The following EYA1 variants were observed in gnomAD, a reference collection of about 807,000 sequenced individuals.
EYA1 encodes the protein EYA transcriptional coactivator and phosphatase 1, also known as protein phosphatase EYA1.
In EYA1, 16 loss-of-function variants were observed where a neutral mutation model predicts 82.0. The observed-to-expected ratio is 0.20, with a 90% CI of 0.13 to 0.30. EYA1 has a LOEUF of 0.30. EYA1 is among the 10% of genes least tolerant of loss of function. The pLI is 1.00. For synonymous variants in EYA1, 261 were observed against 264.4 expected, an observed-to-expected ratio of 0.99 and a Z score of 0.12; for missense variants, 633 against 730.7, an observed-to-expected ratio of 0.87 and a Z score of 1.54.
At chr8:71,267,003 C>T (rs923164060) in intron 11 of EYA1, among the ~76,000 whole-genome samples, 15 of 152,206 alleles carry the variant, frequency 9.9e-5, no homozygotes, top group African/African-American at 3.4e-4. Context: ...TAATTCTTTC[C>T]ATCTCTACTG....
intron 2 of EYA1, among the ~76,000 whole-genome samples, chr8:71,484,876 G>A (rs536691947): frequency 3.3e-5 from 5 of 152,292 alleles, no homozygotes; most frequent in Admixed American, 6.5e-5. Flanking sequence ...GCCTGTCCCG[G>A]GGGACCTGGA....
At chr8:71,338,522 A>G (rs1397130015) in intron 3 of EYA1, among the ~76,000 whole-genome samples, 3 of 152,190 alleles carry the variant, frequency 2.0e-5, no homozygotes, top group Non-Finnish European at 4.4e-5. Context: ...GACATTAGCT[A>G]TCAAGATCAT....
intron 2 of EYA1, among the ~76,000 whole-genome samples, chr8:71,396,220 T>C (rs7818809): frequency 0.22 from 33,507 of 152,128 alleles, 4,213 homozygotes; most frequent in Middle Eastern, 0.33. Flanking sequence ...CTATTAATTT[T>C]GTTGATCTTT....
intron 3 of EYA1, among the ~76,000 whole-genome samples, chr8:71,339,381 G>A (rs1824861152): frequency 6.6e-6 from 1 of 152,066 alleles, no homozygotes; most frequent in South Asian, 2.1e-4. Context: ...AGCAGAACAG[G>A]TGCCATACAT....
intron 2 of EYA1, among the ~76,000 whole-genome samples, chr8:71,475,167 T>C (rs1248371236): frequency 6.6e-6 from 1 of 152,154 alleles, no homozygotes; most frequent in Non-Finnish European, 1.5e-5. Context: ...GGAGTAGATA[T>C]TCATGTGTTA....
intron 2 of EYA1, among the ~76,000 whole-genome samples, chr8:71,520,215 C>T (rs367854664): frequency 5.3e-5 from 8 of 150,490 alleles, no homozygotes; most frequent in South Asian, 4.4e-4. Flanking sequence ...CCTCATTGGC[C>T]CCCCCCTCCA....
At chr8:71,252,375 T>C (rs1383531008) in intron 11 of EYA1, among the ~76,000 whole-genome samples, 1 of 151,958 alleles carries the variant, frequency 6.6e-6, no homozygotes, top group Admixed American at 6.6e-5. Flanking sequence ...CAATGGAAAA[T>C]GGACTAACAC....
intron 2 of EYA1, among the ~76,000 whole-genome samples, chr8:71,531,433 A>G (rs766148121): frequency 2.6e-4 from 40 of 152,322 alleles, no homozygotes; most frequent in Non-Finnish European, 5.0e-4. Context: ...GGCTCTCTCT[A>G]TTTGATTCAG....
intron 1 of EYA1, among the ~76,000 whole-genome samples, chr8:71,359,047 T>C (rs1174861368): frequency 1.3e-5 from 2 of 152,252 alleles, no homozygotes; most frequent in Admixed American, 6.5e-5. Context: ...GGTCATCTTA[T>C]ATTACAATCA....
intron 17 of EYA1, among the ~76,000 whole-genome samples, chr8:71,207,649 T>C (rs1005655692): frequency 1.3e-5 from 2 of 152,160 alleles, no homozygotes; most frequent in Non-Finnish European, 2.9e-5. Context: ...GTGTGTGCCC[T>C]ATATTAAAAA....
chr8:71,344,596 T>C (rs1052272441), intron 3 of EYA1, among the ~76,000 whole-genome samples: 1 of 152,230 alleles, frequency 6.6e-6, no homozygotes, highest in Non-Finnish European at 1.5e-5. Context: ...GCCATATCTT[T>C]TGTAAATCAG....
chr8:71,375,785 T>G (rs1347571197), intron 2 of EYA1, among the ~76,000 whole-genome samples: 1 of 152,010 alleles, frequency 6.6e-6, no homozygotes, highest in Admixed American at 6.6e-5. Context: ...CCTGCCACCA[T>G]GCCCAGATAA....
chr8:71,512,284 T>C (rs1296241746), intron 2 of EYA1, among the ~76,000 whole-genome samples: 10 of 151,956 alleles, frequency 6.6e-5, no homozygotes. Flanking sequence ...AGATGTCCAA[T>C]AGACCAGAGC....
At chr8:71,487,064 A>G (rs1810629028) in intron 2 of EYA1, among the ~76,000 whole-genome samples, 1 of 143,536 alleles carries the variant, frequency 7.0e-6, no homozygotes, top group Non-Finnish European at 1.5e-5. Context: ...GCAGTTTGTC[A>G]ATGATAACCA....
intron 2 of EYA1, among the ~76,000 whole-genome samples, chr8:71,440,022 A>T (rs146887402): frequency 6.6e-6 from 1 of 152,364 alleles, no homozygotes; most frequent in East Asian, 1.9e-4. Flanking sequence ...GCCAAAGCAA[A>T]GATGGCTTCT....
Position 71,299,236 on chromosome 8 carries a change from A to T in EYA1, c.640-3T>A. On this transcript the variant is annotated splice_region_variant and splice_polypyrimidine_tract_variant and intron_variant, in intron 8 of 17. Transcript: ENST00000340726. Reference sequence around the variant, plus strand: ...AAACTGGGATAAGACGGATAGTCCTACCAAATCAAACCACACAAGAATTGT... The same window carrying T: ...AAACTGGGATAAGACGGATAGTCCTTCCAAATCAAACCACACAAGAATTGT... The T allele has an allele frequency of 6.2e-7, 1 of 1,613,742 alleles. No homozygotes were observed. Among genetic ancestry groups the T allele is most frequent in the Non-Finnish European group, 8.5e-7 (1 of 1,179,644 alleles).
At chr8:71,391,009 T>C (rs1391527740) in intron 2 of EYA1, among the ~76,000 whole-genome samples, 2 of 152,178 alleles carry the variant, frequency 1.3e-5, no homozygotes, top group African/African-American at 4.8e-5. Flanking sequence ...GGTCTCGCTC[T>C]GTCATCCAGG....
chr8:71,485,510 G>A (rs1480010999), intron 2 of EYA1, among the ~76,000 whole-genome samples: 2 of 152,004 alleles, frequency 1.3e-5, no homozygotes, highest in Non-Finnish European at 2.9e-5. Flanking sequence ...AAAAAGAACG[G>A]TTAGGCAAGA....
At position 71,304,554 on chromosome 8, in the gene EYA1, C is replaced by T. The variant is rs373157798; in HGVS notation, c.557-4834G>A. Among the ~76,000 whole-genome samples, 4 of 142,768 alleles carry T rather than the reference C, an allele frequency of 2.8e-5. 1 individual carries two copies. Among genetic ancestry groups the T allele is most frequent in the Admixed American group, 2.1e-4 (3 of 14,424 alleles). 93.7% of individuals were successfully genotyped at this position (142,768 alleles called of 152,430 possible). On this transcript the variant is annotated intron_variant, in intron 7 of 17. Transcript: ENST00000340726. Reference sequence around the variant, plus strand: ...GACACAGAAATCAGTCTCACTGAGGCAGAAGGACTAGGGTGTGATCTGAAA... The same window carrying T: ...GACACAGAAATCAGTCTCACTGAGGTAGAAGGACTAGGGTGTGATCTGAAA...
Sources: gnomAD v4.1 joint callset for allele counts (sites outside exome capture counted in the v4.1 genomes callset) on GRCh38, gnomAD v4.1.1 for gene constraint, MANE v1.5 for transcripts, NCBI Gene and HGNC (gene_info 2026-07-23, HGNC 2026-07-21) for gene names.